The following FOXP1 variants were observed in gnomAD, a reference collection of about 807,000 sequenced individuals.
FOXP1 encodes the protein forkhead box protein P1.
A neutral mutation model predicts 98.2 loss-of-function variants in FOXP1; 15 were observed. That is an observed-to-expected ratio of 0.15 (90% CI 0.10 to 0.24). The LOEUF is 0.24. Ranked by LOEUF, FOXP1 falls within the 10% of genes least tolerant of loss-of-function variation. The pLI is 1.00. For missense variants in FOXP1, 633 were observed against 848.5 expected, an observed-to-expected ratio of 0.75 and a Z score of 3.15; for synonymous variants, 371 against 314.5, an observed-to-expected ratio of 1.18 and a Z score of -1.90.
intron 6 of FOXP1, chr3:71,130,422 T>G (rs958965127): frequency 1.4e-6 from 2 of 1,439,028 alleles, no homozygotes; most frequent in Non-Finnish European, 9.6e-7. Flanking sequence ...CTTCAGAGAA[T>G]GTCTGCACAA....
chr3:71,228,853 T>C lies in FOXP1; in HGVS notation c.-11-30461A>G, dbSNP rs143671182. Among the ~76,000 whole-genome samples, 6 of 152,282 alleles carry C rather than the reference T, an allele frequency of 3.9e-5. No homozygotes were observed. In the East Asian group the frequency reaches 1.2e-3, roughly 29 times the overall value. Reference sequence around the variant, plus strand: ...TACAAAATGGAAAAAGCTTTCTCGTTGAAGGGCAATGCCACAGCAAAAGTC... The same window carrying C: ...TACAAAATGGAAAAAGCTTTCTCGTCGAAGGGCAATGCCACAGCAAAAGTC... On this transcript the variant is annotated intron_variant, in intron 5 of 20. Transcript: ENST00000649528.
chr3:71,558,802 C>CTTTTT lies in FOXP1; in HGVS notation c.-298+22742_-298+22746dup, dbSNP rs35405702. 5.9e-4 allele frequency among the ~76,000 whole-genome samples: 69 copies of CTTTTT among 117,544 alleles called. 1 individual carries two copies. Among genetic ancestry groups the CTTTTT allele is most frequent in the African/African-American group, 2.2e-3 (65 of 29,160 alleles). The allele number at this position is 117,544 out of a possible 152,430, so 77.1% of individuals were successfully genotyped here. A position where few individuals can be genotyped will look rare whatever the true frequency, so the allele number is the denominator to read the frequency against. Reference sequence around the variant, plus strand: ...AGCCACCACACCCAGCCGATTCTCACTTTTTTTTTTTTTTTTTTGAGGCAG... The same window carrying CTTTTT: ...AGCCACCACACCCAGCCGATTCTCACTTTTTTTTTTTTTTTTTTTTTTTGAGGCAG... On this transcript the variant is annotated intron_variant, in intron 2 of 20. Coordinates refer to ENST00000649528, the MANE Select transcript of FOXP1 (RefSeq NM_001349338.3).
At chr3:71,155,752 G>A (rs965980635) in intron 6 of FOXP1, among the ~76,000 whole-genome samples, 1 of 152,156 alleles carries the variant, frequency 6.6e-6, no homozygotes, top group Non-Finnish European at 1.5e-5. Context: ...GACTTGATAC[G>A]CTCACTTCTA....
At chr3:70,989,156 T>C (rs886925341) in intron 13 of FOXP1, among the ~76,000 whole-genome samples, 62 of 152,094 alleles carry the variant, frequency 4.1e-4, no homozygotes, top group African/African-American at 1.5e-3. Context: ...TCTATTTAAA[T>C]ACAGTTATTT....
At chr3:71,417,307 T>C (rs924875030) in intron 3 of FOXP1, among the ~76,000 whole-genome samples, 1 of 152,240 alleles carries the variant, frequency 6.6e-6, no homozygotes, top group Admixed American at 6.5e-5. Flanking sequence ...CTGTTTCGCA[T>C]TGGCTATATT....
intron 3 of FOXP1, among the ~76,000 whole-genome samples, chr3:71,404,995 C>T (rs2082217700): frequency 6.6e-6 from 1 of 152,222 alleles, no homozygotes; most frequent in African/African-American, 2.4e-5. Flanking sequence ...AATGCCACCC[C>T]CAGCCCAAGG....
intron 2 of FOXP1, among the ~76,000 whole-genome samples, chr3:71,576,798 T>C (rs1333002814): frequency 6.6e-6 from 1 of 151,780 alleles, no homozygotes; most frequent in Non-Finnish European, 1.5e-5. Context: ...TTGGGGAGGG[T>C]CATGAGGAAA....
chr3:71,188,786 G>C (rs116008424), intron 6 of FOXP1, among the ~76,000 whole-genome samples: 2,789 of 152,262 alleles, frequency 0.018, 97 homozygotes, highest in African/African-American at 0.06. Context: ...GAAATTAATG[G>C]TCTACCTGAA....
intron 2 of FOXP1, among the ~76,000 whole-genome samples, chr3:71,537,754 C>T (rs1560624494): frequency 6.6e-6 from 1 of 152,216 alleles, no homozygotes; most frequent in Non-Finnish European, 1.5e-5. Context: ...TTTGTAGCAA[C>T]AGCACAGAGG....
intron 4 of FOXP1, among the ~76,000 whole-genome samples, chr3:71,355,488 G>C (rs867262502): frequency 9.8e-5 from 15 of 152,310 alleles, no homozygotes; most frequent in South Asian, 2.1e-4. Context: ...GAACACTAAG[G>C]GATGAGAAGG....
At chr3:71,376,090 G>A (rs1384521920) in intron 3 of FOXP1, among the ~76,000 whole-genome samples, 2 of 152,138 alleles carry the variant, frequency 1.3e-5, no homozygotes, top group Non-Finnish European at 2.9e-5. Flanking sequence ...AAATTTAAGA[G>A]AGATGAAATC....
rs2090690055 is a variant in FOXP1 at position 71,486,851 on chromosome 3, C to T, written c.-168+6575G>A. 5.9e-5 allele frequency among the ~76,000 whole-genome samples: 9 copies of T among 152,328 alleles called. No individual in the cohort carries two copies. The South Asian group carries it at 1.4e-3, about 25-fold the overall frequency. ...TGGAGTTTAAGTTCCTAGAATTTTACATCACGGAAGATATCATTTGAAATA... is the reference window on the plus strand; with the variant it reads ...TGGAGTTTAAGTTCCTAGAATTTTATATCACGGAAGATATCATTTGAAATA... On this transcript the variant is annotated intron_variant, in intron 3 of 20. Transcript: ENST00000649528.
intron 3 of FOXP1, among the ~76,000 whole-genome samples, chr3:71,388,158 A>T (rs2080739183): frequency 6.6e-6 from 1 of 152,172 alleles, no homozygotes; most frequent in Admixed American, 6.5e-5. Flanking sequence ...CTGGCTTCCC[A>T]ATTTTAACTG....
At chr3:71,059,945 A>G (rs1172861258) in intron 7 of FOXP1, among the ~76,000 whole-genome samples, 1 of 152,152 alleles carries the variant, frequency 6.6e-6, no homozygotes, top group Non-Finnish European at 1.5e-5. Flanking sequence ...TAAAATAAAT[A>G]AAAGATAACT....
intron 5 of FOXP1, among the ~76,000 whole-genome samples, chr3:71,207,042 C>T (rs566918952): frequency 6.6e-6 from 1 of 152,270 alleles, no homozygotes; most frequent in African/African-American, 2.4e-5. Context: ...GTTTGCTTTG[C>T]CACAAGGAAG....
intron 7 of FOXP1, among the ~76,000 whole-genome samples, chr3:71,058,171 G>A (rs1005005014): frequency 5.3e-5 from 8 of 152,110 alleles, no homozygotes; most frequent in African/African-American, 1.9e-4. Flanking sequence ...TGGGAGGGGA[G>A]AAGACACAAT....
intron 3 of FOXP1, among the ~76,000 whole-genome samples, chr3:71,456,563 C>G (rs2087527382): frequency 6.6e-6 from 1 of 152,138 alleles, no homozygotes; most frequent in Non-Finnish European, 1.5e-5. Flanking sequence ...AGCCTGTTCC[C>G]AACTCCCCTA....
chr3:71,514,437 T>C (rs960491790), intron 2 of FOXP1, among the ~76,000 whole-genome samples: 1 of 152,208 alleles, frequency 6.6e-6, no homozygotes, highest in Non-Finnish European at 1.5e-5. Flanking sequence ...CTACTTATTA[T>C]GTCTGTCTGT....
intron 7 of FOXP1, among the ~76,000 whole-genome samples, chr3:71,095,362 T>C (rs1221795888): frequency 6.6e-6 from 1 of 152,170 alleles, no homozygotes; most frequent in African/African-American, 2.4e-5. Flanking sequence ...TCATGGAACA[T>C]GCTGTAGTAA....
Sources: allele counts gnomAD v4.1 joint callset (sites outside exome capture counted in the v4.1 genomes callset), GRCh38; gene constraint gnomAD v4.1.1; transcripts MANE v1.5; gene names NCBI Gene and HGNC (gene_info 2026-07-23, HGNC 2026-07-21).